ZNF385D: variants seen among roughly 807,000 people sequenced by gnomAD.
ZNF385D encodes the protein zinc finger protein 659.
ZNF385D carries 15 observed loss-of-function variants against 35.8 expected under a neutral mutation model. The ratio of observed to expected loss-of-function variants is 0.42; its 90% CI spans 0.28 to 0.64. The LOEUF (loss-of-function observed/expected upper bound fraction) is 0.64. ZNF385D is among the 30% of genes least tolerant of loss of function. ZNF385D has a pLI of 0.23. For missense variants in ZNF385D, 474 were observed against 494.6 expected (o/e 0.96, Z 0.39); for synonymous variants, 212 against 186.8 (o/e 1.13, Z -1.10).
chr3:21,438,508 C>T (rs747695184), intron 4 of ZNF385D, among the ~76,000 whole-genome samples: 7 of 152,108 alleles, frequency 4.6e-5, no homozygotes, highest in Non-Finnish European at 1.0e-4. Flanking sequence ...TGGAATATCC[C>T]CTTTCATCCA....
chr3:22,112,244 T>C lies in ZNF385D; in HGVS notation c.325+56573A>G, dbSNP rs191757446. On this transcript the variant is annotated intron_variant, in intron 3 of 5. Coordinates refer to the ZNF385D transcript ENST00000494108. ...TAGCTGCGTATTTAAACCTCTCCTTTTTGCATGGATTATAATGAGAATAAT... is the reference window on the plus strand; with the variant it reads ...TAGCTGCGTATTTAAACCTCTCCTTCTTGCATGGATTATAATGAGAATAAT... Among the ~76,000 whole-genome samples the C allele has an allele frequency of 7.6e-3, 1,162 of 152,206 alleles. 18 individuals carry two copies. Among genetic ancestry groups the C allele is most frequent in the African/African-American group, 0.026 (1,062 of 41,556 alleles).
At chr3:22,042,385 C>T (rs531768945) in intron 3 of ZNF385D, among the ~76,000 whole-genome samples, 26 of 152,116 alleles carry the variant, frequency 1.7e-4, no homozygotes, top group African/African-American at 6.3e-4. Flanking sequence ...GAATACTTAA[C>T]TTTCTTTGCC....
chr3:21,816,345 GA>G (rs891366811), intron 3 of ZNF385D, among the ~76,000 whole-genome samples: 15 of 152,014 alleles, frequency 9.9e-5, no homozygotes, highest in African/African-American at 3.4e-4. Context: ...TCAGGCAGGA[GA>G]AAAAAATAAA....
chr3:21,656,845 T>C lies in ZNF385D; in HGVS notation c.165+8041A>G, dbSNP rs2066086023. ...TCTAAAATATTCTTTCATTTTAACA[T>C]GTCTATGTCTAAGTGTGGAGTAGAG... On this transcript the variant is annotated intron_variant, in intron 2 of 7. Transcript: ENST00000281523. Among the ~76,000 whole-genome samples the C allele has an allele frequency of 2.0e-5, 3 of 152,024 alleles. No homozygotes were observed. The South Asian group carries it at 6.2e-4, about 31-fold the overall frequency.
intron 2 of ZNF385D, among the ~76,000 whole-genome samples, chr3:22,357,746 G>T (rs1696221910): frequency 1.3e-5 from 2 of 151,842 alleles, no homozygotes; most frequent in Admixed American, 1.3e-4. Flanking sequence ...ACAAGAAAAG[G>T]GAACTTTAGC....
chr3:21,463,988 A>C (rs163469), intron 4 of ZNF385D, among the ~76,000 whole-genome samples: 69,763 of 151,838 alleles, frequency 0.46, 16,595 homozygotes, highest in Non-Finnish European at 0.53. Context: ...GAAACACATG[A>C]AACAAAGCAA....
At chr3:22,038,551 A>G (rs1698473990) in intron 3 of ZNF385D, among the ~76,000 whole-genome samples, 1 of 152,192 alleles carries the variant, frequency 6.6e-6, no homozygotes, top group Non-Finnish European at 1.5e-5. Context: ...TATAATCTAC[A>G]GGCTGAAATA....
At chr3:21,968,743 T>A (rs1010218016) in intron 3 of ZNF385D, among the ~76,000 whole-genome samples, 5 of 152,284 alleles carry the variant, frequency 3.3e-5, no homozygotes, top group African/African-American at 1.2e-4. Context: ...CCGTGGACCT[T>A]GGGTGAAACT....
At chr3:21,855,049 T>C (rs1361161050) in intron 3 of ZNF385D, among the ~76,000 whole-genome samples, 1 of 151,928 alleles carries the variant, frequency 6.6e-6, no homozygotes, top group Non-Finnish European at 1.5e-5. Flanking sequence ...TCCACCAGAA[T>C]TCTTACTTGG....
intron 1 of ZNF385D, among the ~76,000 whole-genome samples, chr3:21,698,363 A>G (rs2067545305): frequency 6.6e-6 from 1 of 151,362 alleles, no homozygotes; most frequent in Non-Finnish European, 1.5e-5. Flanking sequence ...ATTAAATACA[A>G]CATGTTCTTA....
intron 2 of ZNF385D, among the ~76,000 whole-genome samples, chr3:21,567,968 T>C (rs1449708623): frequency 3.3e-5 from 5 of 152,148 alleles, no homozygotes; most frequent in Non-Finnish European, 7.4e-5. Flanking sequence ...TTGAATTGAA[T>C]GATGTTCTGA....
chr3:22,372,193 C>G (rs1224508083), intron 2 of ZNF385D, among the ~76,000 whole-genome samples: 1 of 152,120 alleles, frequency 6.6e-6, no homozygotes, highest in South Asian at 2.1e-4. Flanking sequence ...CAGCTCCGCG[C>G]TCTTCACTCT....
chr3:22,002,456 A>T (rs993810649), intron 3 of ZNF385D, among the ~76,000 whole-genome samples: 4 of 152,154 alleles, frequency 2.6e-5, no homozygotes, highest in African/African-American at 4.8e-5. Context: ...CAGAAAAGAA[A>T]ATCCTAGGAC....
At chr3:22,207,551 C>A (rs1056549682) in intron 2 of ZNF385D, among the ~76,000 whole-genome samples, 12 of 151,916 alleles carry the variant, frequency 7.9e-5, no homozygotes, top group African/African-American at 2.9e-4. Flanking sequence ...TTGAATAGTA[C>A]ACAGCAAGCA....
intron 3 of ZNF385D, among the ~76,000 whole-genome samples, chr3:21,806,210 T>TTA (rs2072638624): frequency 7.0e-6 from 1 of 142,938 alleles, no homozygotes; most frequent in Admixed American, 7.0e-5. Flanking sequence ...AAATTTCTTA[T>TTA]TTTTTTTTTT....
chr3:22,147,936 C>A (rs539119338), intron 3 of ZNF385D, among the ~76,000 whole-genome samples: 1 of 152,252 alleles, frequency 6.6e-6, no homozygotes, highest in South Asian at 2.1e-4. Context: ...GAAAAAAAGT[C>A]GATCTAAAGT....
intron 3 of ZNF385D, among the ~76,000 whole-genome samples, chr3:21,895,814 A>C (rs2125889384): frequency 6.6e-6 from 1 of 152,252 alleles, no homozygotes. Context: ...GCAAGATGGA[A>C]ATATGCAGGC....
chr3:22,152,033 G>T (rs1005854316), intron 3 of ZNF385D, among the ~76,000 whole-genome samples: 1 of 151,976 alleles, frequency 6.6e-6, no homozygotes, highest in South Asian at 2.1e-4. Flanking sequence ...AGGGTTCAGG[G>T]TTTGTTGTTC....
At chr3:21,727,028 G>C (rs2068794103) in intron 1 of ZNF385D, among the ~76,000 whole-genome samples, 1 of 152,028 alleles carries the variant, frequency 6.6e-6, no homozygotes, top group African/African-American at 2.4e-5. Flanking sequence ...CACATCTACA[G>C]CCATCTGATC....
Sources: allele counts gnomAD v4.1 joint callset (sites outside exome capture counted in the v4.1 genomes callset), GRCh38; gene constraint gnomAD v4.1.1; transcripts MANE v1.5; gene names NCBI Gene and HGNC (gene_info 2026-07-23, HGNC 2026-07-21).